The following EDAR variants were observed in gnomAD, a reference collection of about 807,000 sequenced individuals.
EDAR encodes tumor necrosis factor receptor superfamily member EDAR.
In EDAR, 38 loss-of-function variants were observed where a neutral mutation model predicts 51.3. That is an observed-to-expected ratio of 0.74 (90% CI 0.57 to 0.97). The LOEUF is 0.97. Ranked by LOEUF, EDAR falls within the 50% of genes least tolerant of loss-of-function variation. The pLI is 0.00. For synonymous variants in EDAR, 227 were observed against 242.1 expected (o/e 0.94, Z 0.58); for missense variants, 528 against 595.0 (o/e 0.89, Z 1.17).
chr2:108,938,517 T>C (rs756099957), intron 1 of EDAR, among the ~76,000 whole-genome samples: 4 of 152,218 alleles, frequency 2.6e-5, no homozygotes, highest in African/African-American at 9.6e-5. Flanking sequence ...CAAATATCCA[T>C]GCAGAAGTTC....
rs1330204543 is a variant in EDAR at position 108,930,942 on chromosome 2, G to T, written c.51+22C>A. The T allele has an allele frequency of 5.0e-6, 8 of 1,613,652 alleles. No homozygotes were observed. In the South Asian group the frequency reaches 8.8e-5, roughly 18 times the overall value. The stretch of plus-strand genomic sequence containing the variant: ...TCATGAGGATGAGGGTGCTGTGGGG[G>T]TAAGGGGCTCAGACCACTTACCACC... On this transcript the variant is annotated intron_variant, in intron 2 of 11. Transcript: ENST00000258443.
At chr2:108,976,937 G>C (rs185377025) in intron 1 of EDAR, among the ~76,000 whole-genome samples, 15 of 152,228 alleles carry the variant, frequency 9.9e-5, no homozygotes, top group Non-Finnish European at 1.8e-4. Context: ...CCTTTCACTG[G>C]AGATTGGCAT....
intron 1 of EDAR, among the ~76,000 whole-genome samples, chr2:108,960,276 T>C (rs774221642): frequency 2.0e-5 from 3 of 152,228 alleles, no homozygotes; most frequent in Non-Finnish European, 4.4e-5. Flanking sequence ...ACTCTGTTTT[T>C]AGGAGCTGGT....
intron 1 of EDAR, among the ~76,000 whole-genome samples, chr2:108,970,695 A>G (rs990718451): frequency 5.9e-5 from 9 of 152,196 alleles, no homozygotes; most frequent in African/African-American, 1.7e-4. Context: ...CAGAAAAACC[A>G]TAAGGTAGAA....
At chr2:108,901,369 G>A (rs532021580) in intron 11 of EDAR, among the ~76,000 whole-genome samples, 1 of 152,066 alleles carries the variant, frequency 6.6e-6, no homozygotes, top group Non-Finnish European at 1.5e-5. Flanking sequence ...TACATACAAA[G>A]GAGGAAAACT....
intron 1 of EDAR, among the ~76,000 whole-genome samples, chr2:108,981,626 A>G (rs1206784359): frequency 1.3e-5 from 2 of 151,486 alleles, no homozygotes; most frequent in East Asian, 1.9e-4. Flanking sequence ...CTATACCTAG[A>G]CCTCTGCTCG....
intron 5 of EDAR, among the ~76,000 whole-genome samples, chr2:108,917,690 C>T (rs1697052993): frequency 6.6e-6 from 1 of 152,096 alleles, no homozygotes; most frequent in South Asian, 2.1e-4. Context: ...TCCCTGGCTG[C>T]AGGGCTGACC....
At chr2:108,978,456 T>C (rs62151137) in intron 1 of EDAR, among the ~76,000 whole-genome samples, 1 of 152,180 alleles carries the variant, frequency 6.6e-6, no homozygotes, top group African/African-American at 2.4e-5. Flanking sequence ...TCATATTTGT[T>C]AGACGCCTCA....
chr2:108,909,763 G>T (rs1696881383), intron 9 of EDAR, among the ~76,000 whole-genome samples: 1 of 152,240 alleles, frequency 6.6e-6, no homozygotes, highest in Admixed American at 6.5e-5. Flanking sequence ...AGCAGGGGCT[G>T]GTTCCACACC....
rs1244903797 is a variant in EDAR, at chr2:108,895,772, TCGA to T, written c.*1132_*1134del. On this transcript the variant is annotated 3_prime_UTR_variant, in exon 12 of 12. Coordinates refer to ENST00000258443, the MANE Select transcript of EDAR (RefSeq NM_022336.4). ...GTGGCACAACTAGAAGCCAGCTCCC[TCGA>T]CATCAAGCCCAGGCTCTCATTTGCG... The T allele has an allele frequency of 6.6e-6, 1 of 152,236 alleles. No homozygotes were observed. The highest frequency in any genetic ancestry group is 1.5e-5 in the Non-Finnish European group (1 of 68,066). 9.4% of individuals were successfully genotyped at this position (152,236 alleles called of 1,614,324 possible). A position where few individuals can be genotyped will look rare whatever the true frequency, so the allele number is the denominator to read the frequency against.
At chr2:108,969,879 T>C (rs1698206811) in intron 1 of EDAR, among the ~76,000 whole-genome samples, 1 of 152,184 alleles carries the variant, frequency 6.6e-6, no homozygotes, top group Non-Finnish European at 1.5e-5. Context: ...GGTGAAAGAA[T>C]CACTGAGTTA....
intron 10 of EDAR, 111 bp from the exon 11 acceptor site, chr2:108,906,479 G>T: frequency 9.3e-7 from 1 of 1,071,406 alleles, no homozygotes; most frequent in Non-Finnish European, 1.4e-6. Context: ...CACCAGAGAC[G>T]CTGCACACAG....
intron 1 of EDAR, among the ~76,000 whole-genome samples, chr2:108,945,321 C>T (rs1246433687): frequency 1.3e-5 from 2 of 152,190 alleles, no homozygotes; most frequent in African/African-American, 4.8e-5. Flanking sequence ...CATTTCACTA[C>T]TCCAGCAGTT....
chr2:108,907,674 A>C (rs1696837417), intron 10 of EDAR, among the ~76,000 whole-genome samples, 186 bp downstream of exon 10: 1 of 151,762 alleles, frequency 6.6e-6, no homozygotes, highest in African/African-American at 2.4e-5. Context: ...AAACTCAAAA[A>C]CGAAAGGGTT....
At chr2:108,953,946 C>T (rs1013878457) in intron 1 of EDAR, among the ~76,000 whole-genome samples, 5 of 152,098 alleles carry the variant, frequency 3.3e-5, no homozygotes, top group East Asian at 1.9e-4. Context: ...AAGTGAGACA[C>T]TAAAGATTAC....
intron 1 of EDAR, among the ~76,000 whole-genome samples, chr2:108,982,526 T>G (rs1290801042): frequency 2.0e-5 from 3 of 152,248 alleles, no homozygotes; most frequent in Admixed American, 6.5e-5. Context: ...TTTTGCAATC[T>G]TCACAAAATA....
At chr2:108,952,766 G>A (rs1485326815) in intron 1 of EDAR, among the ~76,000 whole-genome samples, 3 of 152,104 alleles carry the variant, frequency 2.0e-5, no homozygotes, top group Non-Finnish European at 4.4e-5. Context: ...CTTCGTATGT[G>A]TGGTAATGTT....
At chr2:108,910,696 G>A (rs1287936655) in intron 8 of EDAR, 80 bp downstream of exon 8, 13 of 1,503,788 alleles carry the variant, frequency 8.6e-6, no homozygotes, top group Admixed American at 3.4e-5. Flanking sequence ...CAGAAGCAGC[G>A]AGGAGGCTGC....
At chr2:108,923,960 G>C (rs1312370752) in intron 4 of EDAR, among the ~76,000 whole-genome samples, 7 of 152,252 alleles carry the variant, frequency 4.6e-5, no homozygotes, top group Non-Finnish European at 1.0e-4. Flanking sequence ...TGCCACCAGA[G>C]TGCAGCTGCA....
Sources: gnomAD v4.1 joint callset for allele counts (sites outside exome capture counted in the v4.1 genomes callset) on GRCh38, gnomAD v4.1.1 for gene constraint, MANE v1.5 for transcripts, NCBI Gene and HGNC (gene_info 2026-07-23, HGNC 2026-07-21) for gene names.